TXNRD2: variants seen among roughly 807,000 people sequenced by gnomAD.
TXNRD2 encodes thioredoxin reductase 2, mitochondrial.
Under a neutral mutation model 70.8 loss-of-function variants are expected in TXNRD2, and 67 were observed. That is an observed-to-expected ratio of 0.95 (90% CI 0.78 to 1.16). TXNRD2 has a LOEUF of 1.16. Among genes scored for constraint, TXNRD2 ranks in the 50% most tolerant of loss-of-function variants. The pLI, the probability that TXNRD2 is intolerant of heterozygous loss-of-function variation, is 0.00. For synonymous variants in TXNRD2, 301 were observed against 295.8 expected, an observed-to-expected ratio of 1.02 and a Z score of -0.18; for missense variants, 644 against 719.9, an observed-to-expected ratio of 0.89 and a Z score of 1.21.
chr22:19,928,407 G>A (rs1402080919), intron 2 of TXNRD2, among the ~76,000 whole-genome samples: 1 of 152,156 alleles, frequency 6.6e-6, no homozygotes, highest in African/African-American at 2.4e-5. Context: ...AGAAACCATC[G>A]ACACTCGCGC....
intron 11 of TXNRD2, 182 bp downstream of exon 11, chr22:19,895,225 C>T: frequency 1.3e-6 from 2 of 1,596,488 alleles, no homozygotes; most frequent in African/African-American, 2.7e-5. Flanking sequence ...ATGGGCACAG[C>T]CTAGTGTGAG....
Position 19,898,109 on chromosome 22 carries a change from C to T in TXNRD2, c.704G>A (p.Gly235Asp), listed in dbSNP as rs1259831281. 107 of 1,564,302 alleles carry T rather than the reference C, an allele frequency of 6.8e-5. No homozygotes were observed. The highest frequency in any genetic ancestry group is 9.1e-5 in the Non-Finnish European group (105 of 1,154,674). Residue 235 changes from glycine (G) to aspartate (D), a missense_variant, in exon 10 of 18, where the codon GGC (glycine) becomes GAC (aspartate). Gly to Asp is a moderately conservative substitution (Grantham distance 94). This residue lies in a region of TXNRD2 where 566 missense variants were observed against 645.0 expected (regional missense o/e 0.88). Transcript: ENST00000400521. ...GASYVALECA[G>D]FLTGIGLDTT... ...GTCCAGCCCAATCCCGGTGAGGAAG[C>T]CAGCACACTCCAGGGCCACATCTGT...
At chr22:19,939,717 T>C (rs1463598716) in intron 1 of TXNRD2, among the ~76,000 whole-genome samples, 1 of 152,176 alleles carries the variant, frequency 6.6e-6, no homozygotes, top group African/African-American at 2.4e-5. Context: ...TGTATCCATC[T>C]AGAAGCTCAA....
chr22:19,933,065 T>C (rs893416154), intron 1 of TXNRD2, among the ~76,000 whole-genome samples: 5 of 152,134 alleles, frequency 3.3e-5, no homozygotes, highest in African/African-American at 1.2e-4. Flanking sequence ...GGAAGCTGCA[T>C]CCAGGCACTC....
At chr22:19,924,258 C>T (rs569383105) in intron 2 of TXNRD2, among the ~76,000 whole-genome samples, 12 of 152,188 alleles carry the variant, frequency 7.9e-5, no homozygotes, top group East Asian at 3.9e-4. Context: ...AGGCCACAAC[C>T]GGCCTTTTAA....
At position 19,928,771 on chromosome 22, in the gene TXNRD2, C is replaced by T. The variant is rs796801303; in HGVS notation, c.172+2259G>A. ...CCTGTAATCCCAGAACTTTGGGAGG[C>T]CGAGGCAGGCGGATCCCTTGAGGCC... On this transcript the variant is annotated intron_variant, in intron 2 of 17. Transcript: ENST00000400521. 1.6e-3 allele frequency among the ~76,000 whole-genome samples: 237 copies of T among 152,252 alleles called. 1 individual carries two copies. The highest frequency in any genetic ancestry group is 5.1e-3 in the African/African-American group (213 of 41,540).
chr22:19,878,532 T>TGGC, intron 14 of TXNRD2, 95 bp from the exon 15 acceptor site: 1 of 1,167,002 alleles, frequency 8.6e-7, no homozygotes, highest in South Asian at 1.2e-5. Context: ...GGCAGGGTCA[T>TGGC]GGCGGGCAGG....
chr22:19,920,338 G>A (rs924948794), intron 2 of TXNRD2, among the ~76,000 whole-genome samples: 6 of 152,348 alleles, frequency 3.9e-5, no homozygotes, highest in Middle Eastern at 3.4e-3. Context: ...AGCACTTTGG[G>A]AGGCTGAGGA....
chr22:19,902,926 G>A lies in TXNRD2; in HGVS notation c.663-3858C>T, dbSNP rs143244069. The A allele has an allele frequency of 6.0e-3, 3,108 of 518,486 alleles. 46 individuals are homozygous for A. The highest frequency in any genetic ancestry group is 0.026 in the South Asian group (1,870 of 71,524). The allele number at this position is 518,486 out of a possible 1,614,324, so 32.1% of individuals were successfully genotyped here. A position where few individuals can be genotyped will look rare whatever the true frequency, so the allele number is the denominator to read the frequency against. On this transcript the variant is annotated intron_variant, in intron 8 of 17. Coordinates refer to ENST00000400521, the MANE Select transcript of TXNRD2 (RefSeq NM_006440.5). Reference sequence around the variant, plus strand: ...TGCTTAGGAAGAGAGAAAAATGATCGCAGTACCTGGCTGGCTTCCGGACTT... The same window carrying A: ...TGCTTAGGAAGAGAGAAAAATGATCACAGTACCTGGCTGGCTTCCGGACTT...
intron 14 of TXNRD2, among the ~76,000 whole-genome samples, chr22:19,879,622 G>C (rs138805648): frequency 0.02 from 2,978 of 151,372 alleles, 62 homozygotes; most frequent in South Asian, 0.078. Flanking sequence ...GGGTGGTGGG[G>C]GGGGTGGGGG....
chr22:19,905,258 C>G (rs987814442), intron 8 of TXNRD2, among the ~76,000 whole-genome samples: 1 of 152,202 alleles, frequency 6.6e-6, no homozygotes, highest in Non-Finnish European at 1.5e-5. Flanking sequence ...GTGACTGATA[C>G]ATTGCAAACA....
At chr22:19,903,075 G>T (rs1939849601) in intron 8 of TXNRD2, 1 of 517,482 alleles carries the variant, frequency 1.9e-6, no homozygotes, top group African/African-American at 1.9e-5. Context: ...CAGCAGGCTG[G>T]TGGAGCAGCC....
chr22:19,886,891 C>T (rs1230407419), intron 11 of TXNRD2, among the ~76,000 whole-genome samples: 3 of 152,198 alleles, frequency 2.0e-5, no homozygotes, highest in African/African-American at 4.8e-5. Flanking sequence ...AGACCTGGGG[C>T]ACCAGCTTGC....
chr22:19,877,013 C>T, intron 17 of TXNRD2, 27 bp downstream of exon 17: 3 of 1,474,800 alleles, frequency 2.0e-6, no homozygotes, highest in Non-Finnish European at 1.8e-6. Context: ...GCCCTGTCCT[C>T]AAACAGAGCC....
At position 19,877,027 on chromosome 22, in the gene TXNRD2, C is replaced by T. The variant is rs887579713; in HGVS notation, c.*65+13G>A. 1.3e-6 allele frequency: 2 copies of T among 1,517,456 alleles called. No homozygotes were observed. Among genetic ancestry groups the T allele is most frequent in the African/African-American group, 1.4e-5 (1 of 73,414 alleles). 94.0% of individuals were successfully genotyped at this position (1,517,456 alleles called of 1,614,324 possible). The stretch of plus-strand genomic sequence containing the variant: ...TGCCCTGTCCTCAAACAGAGCCAGC[C>T]CCACCTGCATACCTGGGTCTGGCCT... On this transcript the variant is annotated intron_variant, in intron 17 of 17. Transcript: ENST00000400521.
chr22:19,928,501 C>A (rs116680302), intron 2 of TXNRD2, among the ~76,000 whole-genome samples: 3 of 152,150 alleles, frequency 2.0e-5, no homozygotes, highest in Non-Finnish European at 4.4e-5. Context: ...TCCGTTTATA[C>A]GCAATTATAG....
At chr22:19,919,719 C>T in intron 2 of TXNRD2, 120 bp from the exon 3 acceptor site, 1 of 974,676 alleles carries the variant, frequency 1.0e-6, no homozygotes, top group Non-Finnish European at 1.6e-6. Context: ...CCTGCGGCTG[C>T]CCACACAGTG....
intron 12 of TXNRD2, chr22:19,881,039 G>T (rs567023105): frequency 2.0e-6 from 1 of 499,928 alleles, no homozygotes; most frequent in Admixed American, 3.6e-5. Flanking sequence ...TGCTGACCTC[G>T]GAGGGCTGCC....
At chr22:19,936,168 T>C (rs188148027) in intron 1 of TXNRD2, among the ~76,000 whole-genome samples, 7 of 152,192 alleles carry the variant, frequency 4.6e-5, no homozygotes, top group South Asian at 2.1e-4. Flanking sequence ...TTTGGGGTGA[T>C]TGGGCCTTGG....
Sources: allele counts gnomAD v4.1 joint callset (sites outside exome capture counted in the v4.1 genomes callset), GRCh38; gene constraint gnomAD v4.1.1; regional missense constraint gnomAD v4.1.1; transcripts MANE v1.5; gene names NCBI Gene and HGNC (gene_info 2026-07-23, HGNC 2026-07-21).